The following PRAMEF4 variants were observed in gnomAD, a reference collection of about 807,000 sequenced individuals.
The protein encoded by PRAMEF4 is RP5-845O24.6.
In PRAMEF4, 18 loss-of-function variants were observed where a neutral mutation model predicts 34.4. The ratio of observed to expected loss-of-function variants is 0.52; its 90% confidence interval spans 0.36 to 0.78. The LOEUF is 0.78. Ranked by LOEUF, PRAMEF4 falls within the 30% of genes least tolerant of loss-of-function variation. PRAMEF4 has a pLI of 0.00. For missense variants in PRAMEF4, 482 were observed against 569.1 expected (o/e 0.85, Z 1.56); for synonymous variants, 156 against 219.3 (o/e 0.71, Z 2.55).
chr1:12,883,412 T>G lies in PRAMEF4; in HGVS notation c.-16-2A>C. The G allele has an allele frequency of 6.2e-7, 1 of 1,601,442 alleles. No individual in the cohort carries two copies. Among genetic ancestry groups the G allele is most frequent in the Non-Finnish European group, 8.5e-7 (1 of 1,174,420 alleles). On this transcript the variant is annotated splice_acceptor_variant, in intron 1 of 3. Coordinates refer to ENST00000235349, the MANE Select transcript of PRAMEF4 (RefSeq NM_001009611.4). LOFTEE classifies it low-confidence loss of function (5UTR_SPLICE). ...ATCTTCATGAATCTGCAGGGAAAAC[T>G]TCCAGAGGACAAACCCAGAGAAAAG...
chr1:12,881,962 T>G lies in PRAMEF4; in HGVS notation c.767A>C (p.Lys256Thr), dbSNP rs914095058. The change falls in exon 3 of 4, where the codon AAG (lysine) becomes ACG (threonine). Residue 256 changes from lysine (K) to threonine (T), a missense_variant. Lys to Thr is a moderately conservative substitution (Grantham distance 78). Transcript: ENST00000235349. ...VSRYVSPEQK[K>T]EIVTQFTTQF... ...AGTGGTGAACTGGGTAACAATCTCC[T>G]TCTTCTGCTCTGGGGAAACGTAGCG... is the stretch of plus-strand genomic sequence containing the variant. 1.3e-6 allele frequency: 2 copies of G among 1,588,576 alleles called. No individual in the cohort carries two copies. The highest frequency in any genetic ancestry group is 2.8e-5 in the African/African-American group (2 of 71,814).
intron 1 of PRAMEF4, among the ~76,000 whole-genome samples, chr1:12,884,689 T>C (rs1458994435): frequency 6.8e-6 from 1 of 147,530 alleles, no homozygotes; most frequent in East Asian, 2.0e-4. Context: ...CACTCCAGCC[T>C]GGGAAATAGG....
chr1:12,884,194 T>G (rs200609994), intron 1 of PRAMEF4, among the ~76,000 whole-genome samples: 1 of 146,846 alleles, frequency 6.8e-6, no homozygotes, highest in African/African-American at 2.5e-5. Context: ...TTTTGACTTT[T>G]TGTAAAGACA....
chr1:12,883,409 A>G lies in PRAMEF4; in HGVS notation c.-15T>C. ...CTCATCTTCATGAATCTGCAGGGAA[A>G]ACTTCCAGAGGACAAACCCAGAGAA... is the stretch of plus-strand genomic sequence containing the variant. On this transcript the variant is annotated splice_region_variant and 5_prime_UTR_variant, in exon 2 of 4. Coordinates refer to ENST00000235349, the MANE Select transcript of PRAMEF4 (RefSeq NM_001009611.4). 1 of 1,601,306 alleles carries G rather than the reference A, an allele frequency of 6.2e-7. No individual in the cohort carries two copies. Among genetic ancestry groups the G allele is most frequent in the Non-Finnish European group, 8.5e-7 (1 of 1,174,380 alleles).
At chr1:12,880,154 T>G (rs1181936917) in intron 3 of PRAMEF4, 49 bp from the exon 4 acceptor site, 3 of 1,567,758 alleles carry the variant, frequency 1.9e-6, no homozygotes, top group African/African-American at 1.4e-5. Flanking sequence ...TAGGGGTGAG[T>G]GGAGGGTGGT....
rs952841336 is a variant in PRAMEF4 at position 12,880,744 on chromosome 1, G to A, written c.876-639C>T. 2.0e-4 allele frequency among the ~76,000 whole-genome samples: 30 copies of A among 146,850 alleles called. 2 individuals carry two copies. The highest frequency in any genetic ancestry group is 7.7e-4 in the African/African-American group (30 of 39,154). The stretch of plus-strand genomic sequence containing the variant: ...GCCCAGTGGAGATTCAGGCATAAAG[G>A]ACAAACCCAGACAGGATCCTGCAAC... On this transcript the variant is annotated intron_variant, in intron 3 of 3. Coordinates refer to ENST00000235349, the MANE Select transcript of PRAMEF4 (RefSeq NM_001009611.4).
chr1:12,883,119 G>A lies in PRAMEF4; in HGVS notation c.276C>T (p.Asn92=), dbSNP rs749845175. 13 of 1,601,280 alleles carry A rather than the reference G, an allele frequency of 8.1e-6. No individual in the cohort carries two copies. The highest frequency in any genetic ancestry group is 5.4e-5 in the African/African-American group (4 of 73,480). The change falls in exon 2 of 4, where the codon AAC becomes AAT. Residue 92 remains asparagine, a synonymous_variant. Transcript: ENST00000235349. ...CACCTCACCTGGGACGAACCCCTAG[G>A]TTAAGCAGTGCATCCAGCCCATCGA... is the stretch of plus-strand genomic sequence containing the variant. ...AVLDGLDALL[N]LGVRPRRWKL...
Position 12,883,139 on chromosome 1 carries a change from C to T in PRAMEF4, c.256G>A (p.Gly86Arg), listed in dbSNP as rs775554614. ...CLEAFQAVLD[G>R]LDALLNLGVR... Reference sequence around the variant, plus strand: ...CCTAGGTTAAGCAGTGCATCCAGCCCATCGAGCACAGCTTGGAAGGCCTCC... The same window carrying T: ...CCTAGGTTAAGCAGTGCATCCAGCCTATCGAGCACAGCTTGGAAGGCCTCC... The change falls in exon 2 of 4, where the codon GGG becomes AGG. Residue 86 changes from glycine to arginine, a missense_variant. Around this residue, in one of 6 missense-constraint regions of PRAMEF4, gnomAD observed 172 missense variants for 130.2 expected, o/e 1.32. Transcript: ENST00000235349. 26 of 1,601,602 alleles carry T rather than the reference C, an allele frequency of 1.6e-5. 2 individuals carry two copies. In the South Asian group the frequency reaches 2.7e-4, roughly 16 times the overall value.
intron 3 of PRAMEF4, among the ~76,000 whole-genome samples, chr1:12,881,159 A>G (rs200527444): frequency 6.8e-6 from 1 of 147,958 alleles, no homozygotes; most frequent in African/African-American, 2.5e-5. Context: ...TGAAGTCAGG[A>G]GTTGGAGAAT....
Position 12,882,454 on chromosome 1 carries a change from G to A in PRAMEF4, c.294-19C>T, listed in dbSNP as rs4498811. 2,172 of 1,582,588 alleles carry A rather than the reference G, an allele frequency of 1.4e-3. 83 individuals carry two copies. Among genetic ancestry groups the A allele is most frequent in the East Asian group, 2.4e-3 (107 of 44,622 alleles). On this transcript the variant is annotated intron_variant, in intron 2 of 3. Transcript: ENST00000235349. ...CCACCTCCTGTGGGAAAATAGAGGT[G>A]AGACTGAGAATTTCAGAACTCATTT...
In PRAMEF4 at chr1:12,882,323, G is replaced by T. The variant is rs267597988; in HGVS notation, c.406C>A (p.Pro136Thr). ...TTCATCCTTGGACAGTCCTCCACTG[G>T]TTTTTTGTTCCTCTTGGCATTGAGG... Reference protein sequence around the residue: ...CFLNAKRNKKPVEDCPRMKGR... With the variant: ...CFLNAKRNKKTVEDCPRMKGR... Residue 136 changes from proline (P) to threonine (T), a missense_variant, in exon 3 of 4, where the codon CCA becomes ACA. Pro to Thr is a conservative substitution (Grantham distance 38, BLOSUM62 -1). Around this residue, in one of 6 missense-constraint regions of PRAMEF4, gnomAD observed 72 missense variants for 128.9 expected, o/e 0.56. Transcript: ENST00000235349. 1.3e-6 allele frequency: 2 copies of T among 1,513,090 alleles called. No homozygotes were observed. The highest frequency in any genetic ancestry group is 2.3e-5 in the East Asian group (1 of 43,716). The allele number at this position is 1,513,090 out of a possible 1,614,324, so 93.7% of individuals were successfully genotyped here. A position where few individuals can be genotyped will look rare whatever the true frequency, so the allele number is the denominator to read the frequency against.
chr1:12,882,481 T>G, intron 2 of PRAMEF4, 46 bp from the exon 3 acceptor site: 2 of 1,583,732 alleles, frequency 1.3e-6, no homozygotes, highest in South Asian at 1.1e-5. Flanking sequence ...AACTCATTTC[T>G]GAACTTAAAC....
rs1285493850 is a variant in PRAMEF4, at chr1:12,883,275, T to A, written c.120A>T (p.Pro40=). ...LEELPTELFP[P]LFMEAFSRRR... ...TCCTGCTGAAGGCCTCCATGAACAG[T>A]GGGGGGAAAAGTTCTGTGGGCAGCT... Residue 40 remains proline (P), a synonymous_variant, in exon 2 of 4, where the codon CCA becomes CCT. Transcript: ENST00000235349. 1 of 1,594,338 alleles carries A rather than the reference T, an allele frequency of 6.3e-7. No individual in the cohort carries two copies. The highest frequency in any genetic ancestry group is 8.5e-7 in the Non-Finnish European group (1 of 1,170,384).
intron 1 of PRAMEF4, among the ~76,000 whole-genome samples, chr1:12,883,822 A>G (rs1001613311): frequency 6.8e-6 from 1 of 146,868 alleles, no homozygotes; most frequent in African/African-American, 2.5e-5. Context: ...TTCATGGGGC[A>G]TCCCTAGAAC....
chr1:12,880,944 A>C (rs1414468748), intron 3 of PRAMEF4, among the ~76,000 whole-genome samples: 2 of 147,320 alleles, frequency 1.4e-5, no homozygotes, highest in African/African-American at 5.1e-5. Flanking sequence ...ACAGGGAATT[A>C]GAGATGGGAT....
chr1:12,880,447 G>A lies in PRAMEF4; in HGVS notation c.876-342C>T, dbSNP rs907105660. Among the ~76,000 whole-genome samples, 4 of 150,538 alleles carry A rather than the reference G, an allele frequency of 2.7e-5. 1 individual carries two copies. The highest frequency in any genetic ancestry group is 1.3e-4 in the Admixed American group (2 of 14,838). On this transcript the variant is annotated intron_variant, in intron 3 of 3. Coordinates refer to ENST00000235349, the MANE Select transcript of PRAMEF4 (RefSeq NM_001009611.4). ...AAAAATTAGCCAGGTGTGGTGGGGG[G>A]AGCCTGCAATTCCAGCTACTTGGGA...
chr1:12,882,041 G>T lies in PRAMEF4; in HGVS notation c.688C>A (p.Leu230Met). 2 of 1,590,276 alleles carry T rather than the reference G, an allele frequency of 1.3e-6. No homozygotes were observed. Among genetic ancestry groups the T allele is most frequent in the Non-Finnish European group, 1.7e-6 (2 of 1,173,416 alleles). The part of the protein sequence containing the change: ...LPILTQFTPY[L>M]GHMRNLQKLI... ...TTCTGAAGATTCCTCATGTGGCCCA[G>T]GTATGGGGTAAACTGTGTCAGGATG... is the stretch of plus-strand genomic sequence containing the variant. Residue 230 changes from leucine (L) to methionine (M), a missense_variant, in exon 3 of 4, where the codon CTG becomes ATG. Around this residue, in one of 6 missense-constraint regions of PRAMEF4, gnomAD observed 81 missense variants for 73.1 expected, o/e 1.11. Coordinates refer to ENST00000235349, the MANE Select transcript of PRAMEF4 (RefSeq NM_001009611.4).
chr1:12,883,688 G>A (rs1640938964), intron 1 of PRAMEF4, among the ~76,000 whole-genome samples: 1 of 147,736 alleles, frequency 6.8e-6, no homozygotes, highest in South Asian at 2.2e-4. Flanking sequence ...GAACCTGAAA[G>A]TGAACCCCTC....
rs1003635570 is a variant in PRAMEF4, at chr1:12,881,219, A to T, written c.875+635T>A. ...TGTCTCTACTTAAAATATAAAAATT[A>T]GCCAGGTGTGGTGGCTCACGCCTGT... On this transcript the variant is annotated intron_variant, in intron 3 of 3. Coordinates refer to ENST00000235349, the MANE Select transcript of PRAMEF4 (RefSeq NM_001009611.4). 3.3e-4 allele frequency among the ~76,000 whole-genome samples: 49 copies of T among 147,798 alleles called. 6 individuals are homozygous for T. The highest frequency in any genetic ancestry group is 1.2e-3 in the African/African-American group (46 of 39,436).
Sources: allele counts gnomAD v4.1 joint callset (sites outside exome capture counted in the v4.1 genomes callset), GRCh38; gene constraint gnomAD v4.1.1; regional missense constraint gnomAD v4.1.1; transcripts MANE v1.5; gene names NCBI Gene and HGNC (gene_info 2026-07-23, HGNC 2026-07-21).